SLC35D4: variants seen among roughly 807,000 people sequenced by gnomAD.
SLC35D4 encodes UDP-N-acetylglucosamine transporter SLC35D4.
the SLC35D4 span, chr18:23,253,924 G>A: frequency 1.2e-6 from 2 of 1,614,086 alleles, no homozygotes; most frequent in East Asian, 2.2e-5. Flanking sequence ...ACGAAGTCAA[G>A]CATTTAATTG....
the SLC35D4 span, among the ~76,000 whole-genome samples, chr18:23,317,033 G>A: frequency 7.4e-3 from 1,123 of 152,188 alleles, 32 homozygotes; most frequent in Admixed American, 0.051. Context: ...TAAAACCCAG[G>A]TCTCCTGAGT....
chr18:23,282,312 C>A, the SLC35D4 span, among the ~76,000 whole-genome samples: 1 of 152,098 alleles, frequency 6.6e-6, no homozygotes, highest in Non-Finnish European at 1.5e-5. Flanking sequence ...CCTTCAGACT[C>A]CCCCCCAGTT....
chr18:23,428,025 G>A, the SLC35D4 span, among the ~76,000 whole-genome samples: 2 of 152,120 alleles, frequency 1.3e-5, no homozygotes, highest in Non-Finnish European at 2.9e-5. Flanking sequence ...GCCATGGGTT[G>A]GGGGGAGAGG....
the SLC35D4 span, chr18:23,421,460 G>A: frequency 6.2e-7 from 1 of 1,613,542 alleles, no homozygotes; most frequent in Non-Finnish European, 8.5e-7. Flanking sequence ...AAGGACAAGG[G>A]GCAATGTGAA....
the SLC35D4 span, among the ~76,000 whole-genome samples, chr18:23,267,039 A>G: frequency 1.3e-5 from 2 of 152,074 alleles, no homozygotes; most frequent in African/African-American, 4.8e-5. Context: ...CTGTGCCCAC[A>G]CTCTGCCCTA....
At chr18:23,373,250 G>A in the SLC35D4 span, among the ~76,000 whole-genome samples, 1 of 152,188 alleles carries the variant, frequency 6.6e-6, no homozygotes, top group Non-Finnish European at 1.5e-5. Flanking sequence ...GGGAGGTGGA[G>A]GTTGCAGTGA....
At chr18:23,393,844 C>T in the SLC35D4 span, among the ~76,000 whole-genome samples, 3 of 152,174 alleles carry the variant, frequency 2.0e-5, no homozygotes, top group Non-Finnish European at 4.4e-5. Context: ...GTCTCGAACT[C>T]CTGACCTCAG....
At chr18:23,437,933 A>G in the SLC35D4 span, 4 of 1,443,484 alleles carry the variant, frequency 2.8e-6, no homozygotes, top group African/African-American at 4.3e-5. Flanking sequence ...CAGCAGCAGC[A>G]GCGGCAGCGG....
chr18:23,377,584 T>C, the SLC35D4 span: 1 of 1,497,920 alleles, frequency 6.7e-7, no homozygotes, highest in Non-Finnish European at 9.0e-7. Context: ...AGTTTATCAT[T>C]CAAGTTAAAA....
At chr18:23,319,959 T>C in the SLC35D4 span, among the ~76,000 whole-genome samples, 2 of 152,240 alleles carry the variant, frequency 1.3e-5, no homozygotes, top group African/African-American at 4.8e-5. Flanking sequence ...ATTTGATAGT[T>C]TGAGTAGGAT....
chr18:23,321,110 A>C, the SLC35D4 span, among the ~76,000 whole-genome samples: 1 of 152,110 alleles, frequency 6.6e-6, no homozygotes, highest in Non-Finnish European at 1.5e-5. Context: ...TTTAGCCTAC[A>C]CCCAGAATCA....
chr18:23,243,756 C>T, the SLC35D4 span, among the ~76,000 whole-genome samples: 7 of 151,330 alleles, frequency 4.6e-5, no homozygotes, highest in East Asian at 5.8e-4. Flanking sequence ...CCTGTAATCC[C>T]AGTTACTCAG....
At chr18:23,385,104 T>C in the SLC35D4 span, 2 of 1,581,274 alleles carry the variant, frequency 1.3e-6, 1 homozygote, top group South Asian at 2.3e-5. Flanking sequence ...GAAAATATTT[T>C]CTTCGATCTC....
chr18:23,323,744 A>G, the SLC35D4 span, among the ~76,000 whole-genome samples: 1 of 152,172 alleles, frequency 6.6e-6, no homozygotes, highest in African/African-American at 2.4e-5. Flanking sequence ...AGATGAGGTC[A>G]TGAATGTGGA....
the SLC35D4 span, among the ~76,000 whole-genome samples, chr18:23,241,557 A>G: frequency 0.31 from 47,703 of 152,046 alleles, 7,871 homozygotes; most frequent in Admixed American, 0.46. Context: ...ATGCTCAGTG[A>G]TATAAGATGT....
At chr18:23,287,942 C>T in the SLC35D4 span, among the ~76,000 whole-genome samples, 67 of 152,370 alleles carry the variant, frequency 4.4e-4, no homozygotes, top group Admixed American at 3.9e-4. Context: ...CTTAGAGGCC[C>T]TTAAAATCAC....
At chr18:23,273,839 G>A in the SLC35D4 span, among the ~76,000 whole-genome samples, 4 of 152,064 alleles carry the variant, frequency 2.6e-5, no homozygotes, top group Admixed American at 1.3e-4. Context: ...ACTGTGTGCC[G>A]GTATGCTAAG....
At chr18:23,295,296 C>T in the SLC35D4 span, among the ~76,000 whole-genome samples, 1 of 151,638 alleles carries the variant, frequency 6.6e-6, no homozygotes, top group Non-Finnish European at 1.5e-5. Context: ...TGGATAGGTG[C>T]AGCAAACCAC....
chr18:23,252,645 T>C, the SLC35D4 span, among the ~76,000 whole-genome samples: 1 of 152,122 alleles, frequency 6.6e-6, no homozygotes, highest in African/African-American at 2.4e-5. Context: ...TTAAGCCCCA[T>C]ACCGTGTGAA....
Sources: gnomAD v4.1 joint callset for allele counts (sites outside exome capture counted in the v4.1 genomes callset) on GRCh38, gnomAD v4.1.1 for gene constraint, MANE v1.5 for transcripts, NCBI Gene and HGNC (gene_info 2026-07-23, HGNC 2026-07-21) for gene names.